The following ZMYM3 variants were observed in gnomAD, a reference collection of about 807,000 sequenced individuals.
ZMYM3 encodes the protein zinc finger MYM-type containing 3, also known as zinc finger MYM-type protein 3.
In ZMYM3, 6 loss-of-function variants were observed where a neutral mutation model predicts 94.2. The observed-to-expected ratio is 0.06, with a 90% CI of 0.03 to 0.13. ZMYM3 has a LOEUF of 0.13. Ranked by LOEUF, ZMYM3 falls within the 10% of genes least tolerant of loss-of-function variation. The pLI, the probability that ZMYM3 is intolerant of heterozygous loss-of-function variation, is 1.00. For missense variants in ZMYM3, 664 were observed against 1,132.6 expected, an observed-to-expected ratio of 0.59 and a Z score of 5.94; for synonymous variants, 420 against 426.5, an observed-to-expected ratio of 0.98 and a Z score of 0.19.
At position 71,252,924 on chromosome X, in the gene ZMYM3, G is replaced by T; in HGVS notation, c.332C>A (p.Thr111Asn). The change falls in exon 2 of 25, where the codon ACC (threonine) becomes AAC (asparagine). Residue 111 changes from threonine to asparagine, a missense_variant. Thr to Asn is a moderately conservative substitution (Grantham distance 65). Coordinates refer to ENST00000314425, the MANE Select transcript of ZMYM3 (RefSeq NM_201599.3). ...GTLAWDAGDQ[T>N]LEPGPGGQTP... ...CTGGCCCCCTGGTCCAGGCTCTAGG[G>T]TCTGATCTCCTGCATCCCATGCCAG... The T allele has an allele frequency of 8.3e-7, 1 of 1,211,734 alleles. No homozygotes were observed. The highest frequency in any genetic ancestry group is 1.1e-6 in the Non-Finnish European group (1 of 895,371).
rs773095230 is a variant in ZMYM3, at chrX:71,247,848, A to G, written c.2034T>C (p.Thr678=). Residue 678 remains threonine (T), a synonymous_variant, in exon 12 of 25, where the codon ACT becomes ACC. Transcript: ENST00000314425. The part of the protein sequence containing the change: ...FTKKLGLCCI[T]CTYCSQTCQR... The stretch of plus-strand genomic sequence containing the variant: ...GGCAGGTCTGGGAGCAGTAAGTACA[A>G]GTGATACAGCACAAGCCCAGCTTCT... 2 of 1,209,011 alleles carry G rather than the reference A, an allele frequency of 1.7e-6. No individual in the cohort carries two copies. The highest frequency in any genetic ancestry group is 2.2e-6 in the Non-Finnish European group (2 of 894,044).
Position 71,245,989 on chromosome X carries a change from G to A in ZMYM3, c.2682C>T (p.Ile894=). The A allele has an allele frequency of 8.3e-7, 1 of 1,209,128 alleles. No homozygotes were observed. The highest frequency in any genetic ancestry group is 1.1e-6 in the Non-Finnish European group (1 of 894,164). ...CAGGAAGGGCAGGGAAACTCACCGG[G>A]ATAGGCATCGAGAAAGGCACCGGGA... ...QKVPVPFSMP[I]PVPVPMFLPT... is the part of the protein sequence containing the mutation. Residue 894 remains isoleucine, a synonymous_variant, in exon 16 of 25, where the codon ATC becomes ATT. Transcript: ENST00000314425.
chrX:71,251,102 T>C, intron 4 of ZMYM3, 76 bp downstream of exon 4: 2 of 1,034,050 alleles, frequency 1.9e-6, no homozygotes. Context: ...AGAAGATCCA[T>C]GCCCTGCCGC....
Position 71,244,484 on chromosome X carries a change from G to C in ZMYM3, c.3112-14C>G, listed in dbSNP as rs911345875. 1 of 1,206,399 alleles carries C rather than the reference G, an allele frequency of 8.3e-7. No homozygotes were observed. Among genetic ancestry groups the C allele is most frequent in the African/African-American group, 1.8e-5 (1 of 57,115 alleles). On this transcript the variant is annotated splice_polypyrimidine_tract_variant and intron_variant, in intron 19 of 24. Transcript: ENST00000314425. Reference sequence around the variant, plus strand: ...CCGCTTTTGACCCTGGAGGGGAAGAGAAAGCAGGGGCATGGCAGAGGTAAG... The same window carrying C: ...CCGCTTTTGACCCTGGAGGGGAAGACAAAGCAGGGGCATGGCAGAGGTAAG...
intron 22 of ZMYM3, among the ~76,000 whole-genome samples, chrX:71,242,706 C>G (rs2029999471): frequency 8.9e-6 from 1 of 112,012 alleles, no homozygotes; most frequent in African/African-American, 3.2e-5. Context: ...TTCTTGCTTT[C>G]TTTCTTTACT....
At chrX:71,253,387 C>G in intron 1 of ZMYM3, 113 bp from the exon 2 acceptor site, 2 of 564,521 alleles carry the variant, frequency 3.5e-6, no homozygotes, top group Non-Finnish European at 5.2e-6. Flanking sequence ...ATGAGCAGCC[C>G]CCACCACCAC....
intron 22 of ZMYM3, 131 bp downstream of exon 22, chrX:71,242,839 G>T: frequency 1.7e-6 from 1 of 572,389 alleles, no homozygotes; most frequent in East Asian, 3.5e-5. Context: ...AAACCCTGAG[G>T]CATCCAGCTA....
chrX:71,251,056 A>G (rs1421065435), intron 4 of ZMYM3, 122 bp downstream of exon 4: 1 of 724,186 alleles, frequency 1.4e-6, no homozygotes, highest in Non-Finnish European at 2.1e-6. Context: ...AGAGACAGGC[A>G]CTTCATGCGC....
chrX:71,254,317 GA>G, upstream of ZMYM3, among the ~76,000 whole-genome samples: 1 of 112,742 alleles, frequency 8.9e-6, no homozygotes, highest in African/African-American at 3.2e-5. Context: ...AGCCACTAGA[GA>G]CGGCGCCTGA....
Position 71,243,928 on chromosome X carries a change from G to A in ZMYM3, c.3333C>T (p.Leu1111=), listed in dbSNP as rs766844117. ...EDILACSAAE[L]NYGLAQFVRE... is the part of the protein sequence containing the mutation. ...TCACAAACTGGGCCAGACCGTAGTT[G>A]AGCTCAGCAGCTGAGCAGGCGAGAA... Residue 1111 remains leucine, a synonymous_variant, in exon 21 of 25, where the codon CTC becomes CTT. Coordinates refer to ENST00000314425, the MANE Select transcript of ZMYM3 (RefSeq NM_201599.3). The A allele has an allele frequency of 8.3e-7, 1 of 1,211,697 alleles. No individual in the cohort carries two copies. The highest frequency in any genetic ancestry group is 3.0e-5 in the East Asian group (1 of 33,833).
chrX:71,252,464 C>A, intron 2 of ZMYM3, 125 bp downstream of exon 2: 1 of 724,235 alleles, frequency 1.4e-6, no homozygotes, highest in South Asian at 5.3e-5. Flanking sequence ...AAGTCCTTCC[C>A]CACACACATC....
intron 2 of ZMYM3, 154 bp from the exon 3 acceptor site, chrX:71,251,755 T>C: frequency 2.7e-6 from 2 of 753,013 alleles, no homozygotes; most frequent in Non-Finnish European, 3.1e-6. Context: ...CTCTCAGGGT[T>C]ACCTCAGGCT....
chrX:71,242,116 GGAAGGGGAAGGCAGA>G, intron 23 of ZMYM3, 39 bp downstream of exon 23: 1 of 1,146,732 alleles, frequency 8.7e-7, no homozygotes, highest in East Asian at 3.3e-5. Context: ...GGCAGGGCAT[GGAAGGGGAAGGCAGA>G]GAAGGGGCAA....
chrX:71,244,224 C>T (rs187178623), intron 20 of ZMYM3, 78 bp downstream of exon 20: 1 of 1,141,934 alleles, frequency 8.8e-7, no homozygotes, highest in East Asian at 3.1e-5. Flanking sequence ...AGCTGAATCA[C>T]AGGCCCAGCC....
Position 71,244,282 on chromosome X carries a change from C to T in ZMYM3, c.3280+20G>A, listed in dbSNP as rs772136595. ...CTCCCTGTCCCTGCCTCCCCACACC[C>T]CCCATCCCCAAGTACTTACGGCCAA... On this transcript the variant is annotated intron_variant, in intron 20 of 24. Transcript: ENST00000314425. 8.3e-7 allele frequency: 1 copy of T among 1,207,492 alleles called. No homozygotes were observed. The highest frequency in any genetic ancestry group is 2.3e-4 in the Middle Eastern group (1 of 4,339).
At chrX:71,250,822 T>C in intron 4 of ZMYM3, 96 bp from the exon 5 acceptor site, 1 of 895,053 alleles carries the variant, frequency 1.1e-6, no homozygotes, top group Non-Finnish European at 1.5e-6. Context: ...GGGATCCCTG[T>C]TGTTCCGGCC....
intron 13 of ZMYM3, 105 bp downstream of exon 13, chrX:71,247,239 TG>T: frequency 1.3e-6 from 1 of 786,499 alleles, no homozygotes; most frequent in Non-Finnish European, 1.8e-6. Flanking sequence ...GCACCCTATC[TG>T]GCCAGGGGTG....
chrX:71,244,059 C>A, intron 20 of ZMYM3, 79 bp from the exon 21 acceptor site: 1 of 1,110,728 alleles, frequency 9.0e-7, no homozygotes, highest in South Asian at 2.0e-5. Context: ...TCACCATTAA[C>A]CCCTCCATCC....
rs146084153 is a variant in ZMYM3, at chrX:71,250,584, G to T, written c.921C>A (p.Thr307=). Residue 307 remains threonine (T), a synonymous_variant, in exon 5 of 25, where the codon ACC becomes ACA. Coordinates refer to ENST00000314425, the MANE Select transcript of ZMYM3 (RefSeq NM_201599.3). ...TCCGGCAATGTGCACAAGTCATCTT[G>T]GTGCCCACTGCAGAGCGCCCGGCCC... ...SQRAGRSAVG[T]KMTCAHCRTP... 1.4e-4 allele frequency: 174 copies of T among 1,210,431 alleles called. No individual in the cohort carries two copies. The African/African-American group carries it at 2.6e-3, about 18-fold the overall frequency.
Sources: allele counts gnomAD v4.1 joint callset (sites outside exome capture counted in the v4.1 genomes callset), GRCh38; gene constraint gnomAD v4.1.1; transcripts MANE v1.5; gene names NCBI Gene and HGNC (gene_info 2026-07-23, HGNC 2026-07-21).